The following EPHX1 variants were observed in gnomAD, a reference collection of about 807,000 sequenced individuals.
EPHX1 encodes the protein epoxide hydrolase 1.
In EPHX1, 40 loss-of-function variants were observed where a neutral mutation model predicts 43.2. The ratio of observed to expected loss-of-function variants is 0.93; its 90% CI spans 0.72 to 1.21. The LOEUF (loss-of-function observed/expected upper bound fraction) is 1.21, where lower values mean the gene tolerates loss of function less well. EPHX1 is among the 50% of genes most tolerant of loss of function. The probability of loss-of-function intolerance (pLI) is 0.00; values close to 1 mark genes in which losing one functional copy is unlikely to be tolerated. For missense variants in EPHX1, 550 were observed against 570.4 expected, an observed-to-expected ratio of 0.96 and a Z score of 0.36; for synonymous variants, 221 against 226.7, an observed-to-expected ratio of 0.98 and a Z score of 0.22.
chr1:225,830,422 G>A (rs992881567), intron 2 of EPHX1, among the ~76,000 whole-genome samples: 14 of 152,084 alleles, frequency 9.2e-5, no homozygotes, highest in Non-Finnish European at 1.9e-4. Context: ...TGGCCTTTTA[G>A]CCTAATACAT....
intron 1 of EPHX1, among the ~76,000 whole-genome samples, chr1:225,821,338 C>T (rs1055671958): frequency 2.0e-5 from 3 of 151,948 alleles, no homozygotes; most frequent in Non-Finnish European, 4.4e-5. Context: ...TCCGCCTACC[C>T]AGGTTCAAGC....
chr1:225,829,134 C>G (rs901873204), intron 2 of EPHX1, among the ~76,000 whole-genome samples: 3 of 152,110 alleles, frequency 2.0e-5, no homozygotes, highest in African/African-American at 7.2e-5. Context: ...TTTCCCTACC[C>G]AAGGCCCAGC....
intron 2 of EPHX1, among the ~76,000 whole-genome samples, chr1:225,831,277 A>G (rs1338694002): frequency 6.6e-6 from 1 of 152,236 alleles, no homozygotes; most frequent in African/African-American, 2.4e-5. Flanking sequence ...AGCTGGGCGC[A>G]GTGGCTTACA....
In EPHX1 at chr1:225,839,938, G is replaced by A. The variant is rs745893272; in HGVS notation, c.832G>A (p.Asp278Asn). 10 of 1,614,220 alleles carry A rather than the reference G, an allele frequency of 6.2e-6. No individual in the cohort carries two copies. The highest frequency in any genetic ancestry group is 8.5e-6 in the Non-Finnish European group (10 of 1,180,034). ...FGRFLGLTER[D>N]VELLYPVKEK... ...GAGGTTTCTTGGCCTCACTGAGAGGGATGTGGAGCTGCTGTACCCCGTCAA... is the reference window on the plus strand; with the variant it reads ...GAGGTTTCTTGGCCTCACTGAGAGGAATGTGGAGCTGCTGTACCCCGTCAA... Residue 278 changes from aspartate (D) to asparagine (N), a missense_variant, in exon 6 of 9, where the codon GAT (aspartate) becomes AAT (asparagine). Physicochemically the swap from Asp to Asn is conservative, Grantham distance 23 (BLOSUM62 1). Coordinates refer to ENST00000272167, the MANE Select transcript of EPHX1 (RefSeq NM_001136018.4).
Position 225,820,202 on chromosome 1 carries a change from A to G in EPHX1, c.-5-8523A>G, listed in dbSNP as rs547956125. Among the ~76,000 whole-genome samples the G allele has an allele frequency of 3.9e-5, 6 of 152,180 alleles. No individual in the cohort carries two copies. In the South Asian group the frequency reaches 1.2e-3, roughly 32 times the overall value. ...AACCTCCGCCTCCTGGGTTCAAGCA[A>G]TTCTCCCTGCCTCAGCCTCCTGAGT... On this transcript the variant is annotated intron_variant, in intron 1 of 8. Transcript: ENST00000272167.
intron 5 of EPHX1, among the ~76,000 whole-genome samples, 169 bp from the exon 6 acceptor site, chr1:225,839,660 C>T (rs1203429525): frequency 6.6e-6 from 1 of 152,144 alleles, no homozygotes; most frequent in African/African-American, 2.4e-5. Flanking sequence ...GTATTTTTCC[C>T]CCAACCTCCC....
At chr1:225,815,884 G>A (rs1226719642) in intron 1 of EPHX1, among the ~76,000 whole-genome samples, 1 of 152,224 alleles carries the variant, frequency 6.6e-6, no homozygotes, top group Non-Finnish European at 1.5e-5. Flanking sequence ...ACACCTTGGG[G>A]AGAAGGGGGA....
intron 7 of EPHX1, among the ~76,000 whole-genome samples, chr1:225,843,219 T>C (rs959207034): frequency 4.1e-4 from 62 of 152,282 alleles, no homozygotes; most frequent in African/African-American, 1.3e-3. Flanking sequence ...GGATTCTTTG[T>C]CTAAGCGGCA....
intron 5 of EPHX1, 30 bp from the exon 6 acceptor site, chr1:225,839,799 C>T (rs1464734558): frequency 6.2e-7 from 1 of 1,609,712 alleles, no homozygotes; most frequent in Admixed American, 1.7e-5. Context: ...ACCAGCCCAG[C>T]CTCACCCCGG....
intron 1 of EPHX1, chr1:225,810,563 G>A (rs994544636): frequency 6.6e-6 from 1 of 152,318 alleles, no homozygotes; most frequent in South Asian, 2.1e-4. Context: ...ACCCAAGTCG[G>A]AACACTGATT....
intron 1 of EPHX1, among the ~76,000 whole-genome samples, chr1:225,825,742 A>T (rs1291540249): frequency 6.6e-6 from 1 of 152,230 alleles, no homozygotes; most frequent in Admixed American, 6.5e-5. Flanking sequence ...AGTGCCCAGG[A>T]CGGGCACAGC....
chr1:225,842,789 G>A (rs1051209872), intron 7 of EPHX1, among the ~76,000 whole-genome samples: 4 of 152,228 alleles, frequency 2.6e-5, no homozygotes, highest in Non-Finnish European at 5.9e-5. Context: ...ATTGTCAAGA[G>A]CACCTGGGCT....
chr1:225,844,214 G>A (rs1668698428), intron 7 of EPHX1, among the ~76,000 whole-genome samples: 1 of 152,136 alleles, frequency 6.6e-6, no homozygotes, highest in South Asian at 2.1e-4. Flanking sequence ...TTGAGGGGAG[G>A]GAGGAGAGGT....
At chr1:225,819,813 C>T (rs1030127403) in intron 1 of EPHX1, among the ~76,000 whole-genome samples, 8 of 152,222 alleles carry the variant, frequency 5.3e-5, no homozygotes, top group African/African-American at 1.7e-4. Context: ...AACTCTTTGT[C>T]CGCACTTAAT....
intron 5 of EPHX1, 94 bp from the exon 6 acceptor site, chr1:225,839,735 C>T (rs1424731708): frequency 5.9e-6 from 8 of 1,350,624 alleles, no homozygotes; most frequent in African/African-American, 1.4e-5. Context: ...TGTGCTCGCT[C>T]CTCAGCCCTG....
At chr1:225,833,926 G>A (rs1050168095) in intron 3 of EPHX1, among the ~76,000 whole-genome samples, 37 of 150,572 alleles carry the variant, frequency 2.5e-4, no homozygotes, top group South Asian at 6.3e-4. Context: ...GTGAAACCCC[G>A]TCTCTACTAA....
At chr1:225,826,322 G>C (rs565350803) in intron 1 of EPHX1, among the ~76,000 whole-genome samples, 4 of 152,120 alleles carry the variant, frequency 2.6e-5, no homozygotes, top group Admixed American at 2.6e-4. Context: ...AAATTAGCAG[G>C]AGGTGGTGGT....
At chr1:225,829,369 G>A (rs1270577825) in intron 2 of EPHX1, among the ~76,000 whole-genome samples, 4 of 152,182 alleles carry the variant, frequency 2.6e-5, no homozygotes, top group East Asian at 1.9e-4. Context: ...CGGTGATCCC[G>A]CGGGGTGAGG....
intron 1 of EPHX1, among the ~76,000 whole-genome samples, chr1:225,811,734 A>G (rs1009408695): frequency 5.9e-5 from 9 of 152,164 alleles, no homozygotes; most frequent in Admixed American, 6.5e-5. Flanking sequence ...GGTCTGACTT[A>G]GCAGCAAAAA....
Sources: allele counts gnomAD v4.1 joint callset (sites outside exome capture counted in the v4.1 genomes callset), GRCh38; gene constraint gnomAD v4.1.1; transcripts MANE v1.5; gene names NCBI Gene and HGNC (gene_info 2026-07-23, HGNC 2026-07-21).